The following SEMA3E variants were observed in gnomAD, a reference collection of about 807,000 sequenced individuals.
SEMA3E encodes semaphorin 3E, also known as semaphorin-3E.
Under a neutral mutation model 93.6 loss-of-function variants are expected in SEMA3E, and 49 were observed. That is an observed-to-expected ratio of 0.52 (90% CI 0.42 to 0.66). The LOEUF is 0.66. Ranked by LOEUF, SEMA3E falls within the 30% of genes least tolerant of loss-of-function variation. The probability of loss-of-function intolerance (pLI) is 0.00; values close to 1 mark genes in which losing one functional copy is unlikely to be tolerated. For synonymous variants in SEMA3E, 363 were observed against 330.7 expected (o/e 1.10, Z -1.06); for missense variants, 906 against 964.8 (o/e 0.94, Z 0.81).
intron 1 of SEMA3E, among the ~76,000 whole-genome samples, chr7:83,532,795 A>G (rs947178573): frequency 9.3e-5 from 14 of 149,804 alleles, no homozygotes; most frequent in Non-Finnish European, 1.3e-4. Context: ...TTAAAAAAAG[A>G]AAGAAAACAG....
At chr7:83,470,638 G>C (rs1789871403) in intron 2 of SEMA3E, among the ~76,000 whole-genome samples, 1 of 151,962 alleles carries the variant, frequency 6.6e-6, no homozygotes, top group Non-Finnish European at 1.5e-5. Context: ...ATTGTATCCT[G>C]TTACCAGGTG....
chr7:83,472,216 A>G (rs1386315289), intron 2 of SEMA3E, among the ~76,000 whole-genome samples: 1 of 152,200 alleles, frequency 6.6e-6, no homozygotes, highest in Admixed American at 6.5e-5. Flanking sequence ...CCAGCAATCC[A>G]TGCCCCCATA....
At chr7:83,483,972 C>T (rs1445136293) in intron 2 of SEMA3E, among the ~76,000 whole-genome samples, 1 of 152,188 alleles carries the variant, frequency 6.6e-6, no homozygotes, top group Non-Finnish European at 1.5e-5. Context: ...TGGACTCATA[C>T]ATCACATGGC....
chr7:83,463,155 A>ACCCAAG (rs1258870821), intron 4 of SEMA3E, among the ~76,000 whole-genome samples: 1 of 113,300 alleles, frequency 8.8e-6, no homozygotes, highest in Non-Finnish European at 2.0e-5. Flanking sequence ...GATCTCTCAA[A>ACCCAAG]CCCAAGCACC....
intron 16 of SEMA3E, among the ~76,000 whole-genome samples, chr7:83,382,527 T>C (rs1787796651): frequency 6.6e-6 from 1 of 151,948 alleles, no homozygotes; most frequent in South Asian, 2.1e-4. Context: ...CAGTTCCTGT[T>C]TGCAATAGGT....
intron 5 of SEMA3E, among the ~76,000 whole-genome samples, 166 bp downstream of exon 5, chr7:83,418,224 T>A (rs1788595803): frequency 6.6e-6 from 1 of 152,162 alleles, no homozygotes; most frequent in Non-Finnish European, 1.5e-5. Context: ...GTCAAATTGC[T>A]CAGGTTAACA....
At chr7:83,424,942 G>C (rs1231318202) in intron 4 of SEMA3E, 1 of 270,868 alleles carries the variant, frequency 3.7e-6, no homozygotes, top group Admixed American at 3.9e-5. Context: ...AGGGTAGCTG[G>C]ATCCCAGTCT....
intron 5 of SEMA3E, among the ~76,000 whole-genome samples, chr7:83,413,109 A>G (rs1788473791): frequency 6.6e-6 from 1 of 152,112 alleles, no homozygotes; most frequent in Non-Finnish European, 1.5e-5. Flanking sequence ...TAACTAAAAT[A>G]CTTTTCTATA....
chr7:83,400,465 G>T (rs750564082), intron 10 of SEMA3E, among the ~76,000 whole-genome samples: 27 of 151,876 alleles, frequency 1.8e-4, no homozygotes, highest in Non-Finnish European at 4.0e-4. Context: ...AACTCATGTT[G>T]TTGTACAGAT....
chr7:83,644,449 T>C (rs2115721206), intron 1 of SEMA3E, among the ~76,000 whole-genome samples: 1 of 152,102 alleles, frequency 6.6e-6, no homozygotes, highest in Middle Eastern at 3.4e-3. Context: ...AGGACCTGTT[T>C]CCTTCCAATT....
At chr7:83,389,704 A>G (rs1254153357) in intron 14 of SEMA3E, among the ~76,000 whole-genome samples, 1 of 125,270 alleles carries the variant, frequency 8.0e-6, no homozygotes, top group African/African-American at 2.7e-5. Context: ...ACATACACAC[A>G]TATATACACG....
At chr7:83,501,716 G>A (rs1010925008) in intron 1 of SEMA3E, among the ~76,000 whole-genome samples, 35 of 152,094 alleles carry the variant, frequency 2.3e-4, no homozygotes, top group Non-Finnish European at 4.4e-5. Context: ...AATGTAACTT[G>A]TTAATACATA....
At chr7:83,607,791 TG>T (rs1445000864) in intron 1 of SEMA3E, among the ~76,000 whole-genome samples, 1 of 152,150 alleles carries the variant, frequency 6.6e-6, no homozygotes, top group Non-Finnish European at 1.5e-5. Flanking sequence ...TAGGAAAGGC[TG>T]GTGAACTGGA....
intron 4 of SEMA3E, among the ~76,000 whole-genome samples, chr7:83,449,794 C>A (rs993019050): frequency 2.0e-5 from 3 of 152,282 alleles, no homozygotes; most frequent in East Asian, 3.9e-4. Context: ...ACTGTTTCCT[C>A]CCAATTTTAT....
chr7:83,613,478 T>A (rs900258346), intron 1 of SEMA3E, among the ~76,000 whole-genome samples: 33 of 152,012 alleles, frequency 2.2e-4, no homozygotes, highest in African/African-American at 7.7e-4. Flanking sequence ...ACTCATTTCA[T>A]CTAAAATTGA....
At chr7:83,413,261 T>C (rs1788480274) in intron 5 of SEMA3E, among the ~76,000 whole-genome samples, 1 of 152,170 alleles carries the variant, frequency 6.6e-6, no homozygotes, top group Admixed American at 6.6e-5. Flanking sequence ...TGTTGGATTT[T>C]AATTGTATAA....
chr7:83,523,974 C>T (rs998430759), intron 1 of SEMA3E, among the ~76,000 whole-genome samples: 1 of 152,030 alleles, frequency 6.6e-6, no homozygotes. Flanking sequence ...CTTCAAAAAT[C>T]ACATTTTAAA....
chr7:83,446,874 A>G (rs1444368764), intron 4 of SEMA3E, among the ~76,000 whole-genome samples: 2 of 152,214 alleles, frequency 1.3e-5, no homozygotes, highest in African/African-American at 4.8e-5. Context: ...ATCAAAATAA[A>G]TGAACAAAAA....
At chr7:83,389,098 G>A (rs1011920810) in intron 14 of SEMA3E, among the ~76,000 whole-genome samples, 2 of 151,736 alleles carry the variant, frequency 1.3e-5, no homozygotes, top group African/African-American at 4.8e-5. Flanking sequence ...TCTGCCACAT[G>A]TATCATTCTA....
Sources: gnomAD v4.1 joint callset for allele counts (sites outside exome capture counted in the v4.1 genomes callset) on GRCh38, gnomAD v4.1.1 for gene constraint, MANE v1.5 for transcripts, NCBI Gene and HGNC (gene_info 2026-07-23, HGNC 2026-07-21) for gene names.